Variants in RC3H2 observed in about 807,000 individuals in gnomAD.
RC3H2 encodes the protein ring finger and CCCH-type domains 2.
RC3H2 carries 31 observed loss-of-function variants against 133.3 expected under a neutral mutation model. The observed-to-expected ratio is 0.23, with a 90% confidence interval of 0.17 to 0.31. The LOEUF is 0.31. Ranked by LOEUF, RC3H2 falls within the 10% of genes least tolerant of loss-of-function variation. The probability of loss-of-function intolerance (pLI) is 1.00; values close to 1 mark genes in which losing one functional copy is unlikely to be tolerated. For missense variants in RC3H2, 1,175 were observed against 1,437.2 expected, an observed-to-expected ratio of 0.82 and a Z score of 2.95; for synonymous variants, 517 against 502.2, an observed-to-expected ratio of 1.03 and a Z score of -0.40.
intron 10 of RC3H2, among the ~76,000 whole-genome samples, chr9:122,860,336 G>A (rs1283235563): frequency 2.0e-5 from 3 of 151,464 alleles, no homozygotes; most frequent in Admixed American, 6.6e-5. Context: ...TCATATTCCT[G>A]TGTGGGCCAC....
chr9:122,876,028 G>A (rs572764966), intron 9 of RC3H2, among the ~76,000 whole-genome samples: 1 of 152,120 alleles, frequency 6.6e-6, no homozygotes, highest in African/African-American at 2.4e-5. Flanking sequence ...TTTAAGACTA[G>A]TGAGAAGGCA....
At chr9:122,880,867 T>C in intron 5 of RC3H2, 73 bp from the exon 6 acceptor site, 2 of 1,092,028 alleles carry the variant, frequency 1.8e-6, no homozygotes, top group South Asian at 1.3e-5. Flanking sequence ...TTATTCCTTT[T>C]TCAGGGAGGG....
intron 9 of RC3H2, among the ~76,000 whole-genome samples, 164 bp downstream of exon 9, chr9:122,877,306 TC>T (rs1350163185): frequency 6.6e-6 from 1 of 152,196 alleles, no homozygotes; most frequent in Non-Finnish European, 1.5e-5. Context: ...GCACAAGCAA[TC>T]CTCCTGCCTC....
At chr9:122,901,685 G>A (rs113136408) in intron 1 of RC3H2, among the ~76,000 whole-genome samples, 141 of 149,152 alleles carry the variant, frequency 9.5e-4, no homozygotes, top group African/African-American at 3.2e-3. Context: ...TCCGCCTCCC[G>A]GTTTCATACG....
intron 1 of RC3H2, among the ~76,000 whole-genome samples, chr9:122,902,435 T>C (rs1588120432): frequency 6.6e-6 from 1 of 152,210 alleles, no homozygotes; most frequent in East Asian, 1.9e-4. Flanking sequence ...TCTACTTTTA[T>C]TCCACTAACA....
Position 122,858,044 on chromosome 9 carries a change from TTTC to T in RC3H2, c.2330_2332del (p.Arg777del). 1.2e-6 allele frequency: 2 copies of T among 1,614,252 alleles called. No individual in the cohort carries two copies. The highest frequency in any genetic ancestry group is 1.7e-6 in the Non-Finnish European group (2 of 1,180,032). On this transcript the variant is annotated inframe_deletion, in exon 13 of 21. Transcript: ENST00000357244. ...GTGGTACTGTGCCCACTGATCTGGCTTTCTTCTTATCTGCTCCTCGCAACTGGT... is the reference window on the plus strand; with the variant it reads ...GTGGTACTGTGCCCACTGATCTGGCTTTCTTATCTGCTCCTCGCAACTGGT...
chr9:122,902,244 A>C (rs10985813), intron 1 of RC3H2, among the ~76,000 whole-genome samples: 2,594 of 152,170 alleles, frequency 0.017, 40 homozygotes, highest in Non-Finnish European at 0.025. Context: ...TTTCTATTTT[A>C]ACAAGTATAA....
intron 1 of RC3H2, among the ~76,000 whole-genome samples, chr9:122,899,762 C>G (rs924585154): frequency 3.9e-5 from 6 of 152,178 alleles, no homozygotes; most frequent in African/African-American, 1.4e-4. Flanking sequence ...CATCTTAAAT[C>G]TACTGAAAGC....
intron 18 of RC3H2, 99 bp from the exon 19 acceptor site, chr9:122,851,535 C>T (rs1470490605): frequency 1.0e-5 from 15 of 1,478,574 alleles, no homozygotes; most frequent in Non-Finnish European, 1.4e-5. Flanking sequence ...CATGGTCTCC[C>T]TCTCATGCCG....
chr9:122,859,955 G>A lies in RC3H2; in HGVS notation c.1811C>T (p.Thr604Ile), dbSNP rs753546317. The A allele has an allele frequency of 1.9e-6, 3 of 1,614,068 alleles. No individual in the cohort carries two copies. Among genetic ancestry groups the A allele is most frequent in the South Asian group, 2.2e-5 (2 of 91,078 alleles). The stretch of plus-strand genomic sequence containing the variant: ...CTGTGGGACTTCAAAGGGTATCTGA[G>A]TCCTTGGATCTTGAAAATACTGAAT... ...ENIQYFQDPR[T>I]QIPFEVPQYP... The change falls in exon 11 of 21, where the codon ACT becomes ATT. Residue 604 changes from threonine (T) to isoleucine (I), a missense_variant. Around this residue, in one of 8 missense-constraint regions of RC3H2, gnomAD observed 490 missense variants for 492.8 expected, o/e 0.99. Transcript: ENST00000357244.
intron 18 of RC3H2, among the ~76,000 whole-genome samples, chr9:122,852,109 C>T (rs1257034888): frequency 1.3e-5 from 2 of 148,568 alleles, no homozygotes; most frequent in African/African-American, 2.5e-5. Flanking sequence ...TCTGCCCGGC[C>T]GCCCGTCGTC....
At chr9:122,867,950 C>A (rs1458352347) in intron 9 of RC3H2, among the ~76,000 whole-genome samples, 1 of 25,300 alleles carries the variant, frequency 4.0e-5, no homozygotes, top group Non-Finnish European at 1.1e-4. Flanking sequence ...GTGGGGGGGT[C>A]AGCCCCCCGC....
chr9:122,880,992 C>T (rs1319971166), intron 5 of RC3H2, among the ~76,000 whole-genome samples, 198 bp from the exon 6 acceptor site: 1 of 152,090 alleles, frequency 6.6e-6, no homozygotes, highest in African/African-American at 2.4e-5. Context: ...ATACATAATC[C>T]TTGCCTTCAA....
intron 4 of RC3H2, among the ~76,000 whole-genome samples, chr9:122,884,605 C>T (rs1455459321): frequency 1.3e-5 from 2 of 152,052 alleles, no homozygotes; most frequent in Non-Finnish European, 2.9e-5. Flanking sequence ...GTAATCCCAG[C>T]ACTTTGGGAG....
Position 122,854,540 on chromosome 9 carries a change from T to C in RC3H2, c.2891A>G (p.Tyr964Cys), listed in dbSNP as rs1432890296. 6.2e-7 allele frequency: 1 copy of C among 1,609,920 alleles called. No homozygotes were observed. Among genetic ancestry groups the C allele is most frequent in the Non-Finnish European group, 8.5e-7 (1 of 1,176,152 alleles). Residue 964 changes from tyrosine (Y) to cysteine (C), a missense_variant, in exon 16 of 21, where the codon TAT (tyrosine) becomes TGT (cysteine). This residue lies in a region of RC3H2 where 138 missense variants were observed against 215.0 expected (regional missense o/e 0.64). Transcript: ENST00000357244. ...YGNEATSSAH[Y>C]VERDRFIVTD... Reference sequence around the variant, plus strand: ...TTAAGAAGAACGTTACCTTTCAACATAGTGTGCTGATGATGTGGCCTCGTT... The same window carrying C: ...TTAAGAAGAACGTTACCTTTCAACACAGTGTGCTGATGATGTGGCCTCGTT...
chr9:122,849,685 G>A lies in RC3H2; in HGVS notation c.3518C>T (p.Ser1173Phe), dbSNP rs1829944660. 6.2e-7 allele frequency: 1 copy of A among 1,613,138 alleles called. No individual in the cohort carries two copies. The change falls in exon 21 of 21, where the codon TCT (serine) becomes TTT (phenylalanine). Residue 1173 changes from serine (S) to phenylalanine (F), a missense_variant. By Grantham distance (155) the Ser-to-Phe change is radical. Transcript: ENST00000357244. ...TTTTAAAAAGTCGTTTTTATCTTCA[G>A]ACATAACATGAGTTTTCAGAATGAG... is the stretch of plus-strand genomic sequence containing the variant. Reference protein sequence around the residue: ...GNLILKTHVMSEDKNDFLKPV... With the variant: ...GNLILKTHVMFEDKNDFLKPV...
At chr9:122,866,762 C>T (rs1304112340) in intron 9 of RC3H2, among the ~76,000 whole-genome samples, 3 of 152,182 alleles carry the variant, frequency 2.0e-5, no homozygotes, top group Non-Finnish European at 4.4e-5. Flanking sequence ...CTACAACCTC[C>T]ACCTCCCAGC....
At chr9:122,884,949 C>T (rs1329853152) in intron 4 of RC3H2, among the ~76,000 whole-genome samples, 1 of 151,624 alleles carries the variant, frequency 6.6e-6, no homozygotes, top group African/African-American at 2.4e-5. Flanking sequence ...AGGAACAGTT[C>T]CAGAATAAAG....
In RC3H2 at chr9:122,844,725, C is replaced by T. The variant is rs903565619; in HGVS notation, c.*4902G>A. 1 of 152,180 alleles carries T rather than the reference C, an allele frequency of 6.6e-6. No individual in the cohort carries two copies. The highest frequency in any genetic ancestry group is 6.5e-5 in the Admixed American group (1 of 15,274). The allele number at this position is 152,180 out of a possible 1,614,324, so 9.4% of individuals were successfully genotyped here. Reference sequence around the variant, plus strand: ...TGCTACAGCAAAAACACACAGAATTCACTCTTTGCTATTCACTATCATCAC... The same window carrying T: ...TGCTACAGCAAAAACACACAGAATTTACTCTTTGCTATTCACTATCATCAC... On this transcript the variant is annotated 3_prime_UTR_variant, in exon 21 of 21. Transcript: ENST00000357244.
Sources: allele counts gnomAD v4.1 joint callset (sites outside exome capture counted in the v4.1 genomes callset), GRCh38; gene constraint gnomAD v4.1.1; regional missense constraint gnomAD v4.1.1; transcripts MANE v1.5; gene names NCBI Gene and HGNC (gene_info 2026-07-23, HGNC 2026-07-21).